DLX6: variants seen among roughly 807,000 people sequenced by gnomAD.
DLX6 encodes homeobox protein DLX-6.
A neutral mutation model predicts 33.5 loss-of-function variants in DLX6; 4 were observed. The ratio of observed to expected loss-of-function variants is 0.12; its 90% confidence interval spans 0.06 to 0.27. DLX6 has a LOEUF of 0.27. Among genes scored for constraint, DLX6 ranks in the 10% least tolerant of loss-of-function variants. The probability of loss-of-function intolerance (pLI) is 1.00; values close to 1 mark genes in which losing one functional copy is unlikely to be tolerated. For synonymous variants in DLX6, 184 were observed against 164.8 expected (o/e 1.12, Z -0.89); for missense variants, 382 against 393.3 (o/e 0.97, Z 0.24).
At chr7:97,006,707 C>T (rs752556165) in intron 1 of DLX6, 32 of 161,686 alleles carry the variant, frequency 2.0e-4, no homozygotes, top group Non-Finnish European at 4.0e-4. Context: ...CGCTCTCCAG[C>T]CTCCTGGGTC....
rs1789707231 is a variant in DLX6, at chr7:97,006,042, T to C, written c.65T>C (p.Met22Thr). The change falls in exon 1 of 3, where the codon ATG (methionine) becomes ACG (threonine). Residue 22 changes from methionine (M) to threonine (T), a missense_variant. By Grantham distance (81) the Met-to-Thr change is moderately conservative (BLOSUM62 -1). Coordinates refer to ENST00000518156, the MANE Select transcript of DLX6 (RefSeq NM_005222.4). ...EGQDSSKSAF[M>T]EFGQQQQQQQ... ...CAGGACTCGTCCAAATCCGCCTTCA[T>C]GGAGTTCGGGCAGCAGCAGCAGCAG... 1.3e-6 allele frequency: 2 copies of C among 1,592,552 alleles called. No individual in the cohort carries two copies. The highest frequency in any genetic ancestry group is 1.7e-6 in the Non-Finnish European group (2 of 1,170,196).
rs1276611672 is a variant in DLX6, at chr7:97,007,414, C to G, written c.437-224C>G. On this transcript the variant is annotated intron_variant, in intron 1 of 2. Coordinates refer to ENST00000518156, the MANE Select transcript of DLX6 (RefSeq NM_005222.4). ...CTGAGGGCCTCTGGCGCTCCCTTGGCCCAGACGCTGCACATTGTTCGGGCC... is the reference window on the plus strand; with the variant it reads ...CTGAGGGCCTCTGGCGCTCCCTTGGGCCAGACGCTGCACATTGTTCGGGCC... 43 of 612,074 alleles carry G rather than the reference C, an allele frequency of 7.0e-5. No individual in the cohort carries two copies. The East Asian group carries it at 1.1e-3, about 16-fold the overall frequency. 37.9% of individuals were successfully genotyped at this position (612,074 alleles called of 1,614,324 possible).
intron 1 of DLX6, 46 bp downstream of exon 1, chr7:97,006,459 C>T (rs1789734165): frequency 7.9e-7 from 1 of 1,260,496 alleles, no homozygotes; most frequent in East Asian, 3.2e-5. Flanking sequence ...TCCCGACTGC[C>T]CCCTACCCCG....
Position 97,006,253 on chromosome 7 carries a change from G to T in DLX6, c.276G>T (p.Gln92His). 6.6e-7 allele frequency: 1 copy of T among 1,524,722 alleles called. No homozygotes were observed. The highest frequency in any genetic ancestry group is 8.8e-7 in the Non-Finnish European group (1 of 1,133,704). 94.4% of individuals were successfully genotyped at this position (1,524,722 alleles called of 1,614,324 possible). A position where few individuals can be genotyped will look rare whatever the true frequency, so the allele number is the denominator to read the frequency against. ...AAGSHHHHHH[Q>H]HHHHGSPYAS... ...GCTCGCACCACCACCACCACCACCA[G>T]CACCACCACCACGGCTCGCCCTACG... The change falls in exon 1 of 3, where the codon CAG becomes CAT. Residue 92 changes from glutamine (Q) to histidine (H), a missense_variant. By Grantham distance (24) the Gln-to-His change is conservative. Coordinates refer to ENST00000518156, the MANE Select transcript of DLX6 (RefSeq NM_005222.4).
At chr7:97,008,291 AAGT>A in intron 2 of DLX6, among the ~76,000 whole-genome samples, 1 of 152,320 alleles carries the variant, frequency 6.6e-6, no homozygotes, top group Middle Eastern at 3.4e-3. Context: ...AGAAAAAACA[AAGT>A]AGGCATAGGT....
rs1412925639 is a variant in DLX6, at chr7:97,010,782, A to C, written c.*735A>C. On this transcript the variant is annotated 3_prime_UTR_variant, in exon 3 of 3. Transcript: ENST00000518156. ...ACCAGGAATGATGGTTGATTAAAAA[A>C]AAACAAAACAAAAACCACTCTTTCC... 1 of 152,134 alleles carries C rather than the reference A, an allele frequency of 6.6e-6. No homozygotes were observed. Among genetic ancestry groups the C allele is most frequent in the Non-Finnish European group, 1.5e-5 (1 of 67,950 alleles). The allele number at this position is 152,134 out of a possible 1,614,324, so 9.4% of individuals were successfully genotyped here. A position where few individuals can be genotyped will look rare whatever the true frequency, so the allele number is the denominator to read the frequency against.
chr7:97,007,914 G>A, intron 2 of DLX6, 83 bp downstream of exon 2: 1 of 1,378,302 alleles, frequency 7.3e-7, no homozygotes. Flanking sequence ...AGGAATTGTT[G>A]GCCTAGTCAA....
chr7:97,009,685 T>G (rs189277896), intron 2 of DLX6, 111 bp from the exon 3 acceptor site: 2 of 1,488,642 alleles, frequency 1.3e-6, no homozygotes, highest in African/African-American at 2.8e-5. Context: ...GCGGTGGTTG[T>G]TTTTTGTTTT....
rs559903070 is a variant in DLX6, at chr7:97,006,108, A to AGCCGCCGCCGCCGCC, written c.146_160dup (p.Pro49_Pro53dup). 32 of 1,502,100 alleles carry AGCCGCCGCCGCCGCC rather than the reference A, an allele frequency of 2.1e-5. No individual in the cohort carries two copies. The highest frequency in any genetic ancestry group is 8.3e-5 in the African/African-American group (6 of 72,376). 93.0% of individuals were successfully genotyped at this position (1,502,100 alleles called of 1,614,324 possible). A position where few individuals can be genotyped will look rare whatever the true frequency, so the allele number is the denominator to read the frequency against. ...CAGCAGCAGCAGCAGCAACAGCAAC[A>AGCCGCCGCCGCCGCC]GCCGCCGCCGCCGCCGCCGCCGCCG... On this transcript the variant is annotated inframe_insertion, in exon 1 of 3. Coordinates refer to ENST00000518156, the MANE Select transcript of DLX6 (RefSeq NM_005222.4).
At position 97,006,051 on chromosome 7, in the gene DLX6, G is replaced by A. The variant is rs1209156138; in HGVS notation, c.74G>A (p.Gly25Glu). The change falls in exon 1 of 3, where the codon GGG (glycine) becomes GAG (glutamate). Residue 25 changes from glycine to glutamate, a missense_variant. This residue lies in a region of DLX6 where 257 missense variants were observed against 206.9 expected (regional missense o/e 1.24). Transcript: ENST00000518156. ...TCCAAATCCGCCTTCATGGAGTTCGGGCAGCAGCAGCAGCAGCAGCAGCAA... is the reference window on the plus strand; with the variant it reads ...TCCAAATCCGCCTTCATGGAGTTCGAGCAGCAGCAGCAGCAGCAGCAGCAA... ...DSSKSAFMEF[G>E]QQQQQQQQQQ... The A allele has an allele frequency of 1.9e-6, 3 of 1,582,110 alleles. No individual in the cohort carries two copies. Among genetic ancestry groups the A allele is most frequent in the Non-Finnish European group, 2.6e-6 (3 of 1,164,766 alleles).
rs1789820697 is a variant in DLX6 at position 97,010,328 on chromosome 7, C to G, written c.*281C>G. Reference sequence around the variant, plus strand: ...CTCATTTACCTTCTCTCTTGAGCAACGTCAGTAATTGATCTTGCATCTCAG... The same window carrying G: ...CTCATTTACCTTCTCTCTTGAGCAAGGTCAGTAATTGATCTTGCATCTCAG... On this transcript the variant is annotated 3_prime_UTR_variant, in exon 3 of 3. Transcript: ENST00000518156. 1 of 362,078 alleles carries G rather than the reference C, an allele frequency of 2.8e-6. No homozygotes were observed. Among genetic ancestry groups the G allele is most frequent in the Non-Finnish European group, 5.0e-6 (1 of 199,964 alleles). 22.4% of individuals were successfully genotyped at this position (362,078 alleles called of 1,614,324 possible).
At chr7:97,007,276 T>C in intron 1 of DLX6, 2 of 561,890 alleles carry the variant, frequency 3.6e-6, no homozygotes, top group Non-Finnish European at 6.3e-6. Flanking sequence ...CTTCAGGTAC[T>C]GTTAAGCCGG....
In DLX6 at chr7:97,007,640, C is replaced by G; in HGVS notation, c.439C>G (p.Gln147Glu). 1 of 1,608,142 alleles carries G rather than the reference C, an allele frequency of 6.2e-7. No homozygotes were observed. Among genetic ancestry groups the G allele is most frequent in the Non-Finnish European group, 8.5e-7 (1 of 1,177,168 alleles). Residue 147 changes from glutamine to glutamate, a missense_variant and splice_region_variant, in exon 2 of 3, where the codon CAA becomes GAA. Physicochemically the swap from Gln to Glu is conservative, Grantham distance 29. Around this residue, in one of 4 missense-constraint regions of DLX6, gnomAD observed 257 missense variants for 206.9 expected, o/e 1.24. Transcript: ENST00000518156. Reference sequence around the variant, plus strand: ...TCCTCTGTATTATTTGCTTACAGATCAACAAAAAACTACAGTGATTGAAAA... The same window carrying G: ...TCCTCTGTATTATTTGCTTACAGATGAACAAAAAACTACAGTGATTGAAAA... ...AAQTRGDDTD[Q>E]QKTTVIENGE...
intron 1 of DLX6, chr7:97,007,395 G>A: frequency 1.7e-6 from 1 of 601,514 alleles, no homozygotes; most frequent in Non-Finnish European, 3.0e-6. Flanking sequence ...TTGTCTGAGG[G>A]CCTCTGGCGC....
In DLX6 at chr7:97,009,852, C is replaced by T; in HGVS notation, c.687C>T (p.Gly229=). The change falls in exon 3 of 3, where the codon GGC becomes GGT. Residue 229 remains glycine (G), a synonymous_variant. Transcript: ENST00000518156. ...RSKFKKLLKQ[G]SNPHESDPLQ... is the part of the protein sequence containing the mutation. The stretch of plus-strand genomic sequence containing the variant: ...AGTTTAAGAAACTGCTGAAGCAGGG[C>T]AGTAATCCTCATGAGAGCGACCCCC... 1 of 1,614,016 alleles carries T rather than the reference C, an allele frequency of 6.2e-7. No homozygotes were observed. Among genetic ancestry groups the T allele is most frequent in the Non-Finnish European group, 8.5e-7 (1 of 1,179,894 alleles).
Position 97,005,843 on chromosome 7 carries a change from CTTTTT to C in DLX6, c.-115_-111del, listed in dbSNP as rs753838572. ...CCACCTCCACCCCCCTCTTTAAATT[CTTTTT>C]TTTTTTTTTTTTTTTTTTTGCAAGG... On this transcript the variant is annotated 5_prime_UTR_variant, in exon 1 of 3. Transcript: ENST00000518156. 6.0e-3 allele frequency: 1,348 copies of C among 225,808 alleles called. No individual in the cohort carries two copies. The highest frequency in any genetic ancestry group is 7.4e-3 in the East Asian group (92 of 12,380). 14.0% of individuals were successfully genotyped at this position (225,808 alleles called of 1,614,324 possible). A position where few individuals can be genotyped will look rare whatever the true frequency, so the allele number is the denominator to read the frequency against.
Position 97,005,847 on chromosome 7 carries a change from T to C in DLX6, c.-131T>C, listed in dbSNP as rs1231693506. ...CTCCACCCCCCTCTTTAAATTCTTTTTTTTTTTTTTTTTTTTTTTTGCAAG... is the reference window on the plus strand; with the variant it reads ...CTCCACCCCCCTCTTTAAATTCTTTCTTTTTTTTTTTTTTTTTTTTGCAAG... On this transcript the variant is annotated 5_prime_UTR_variant, in exon 1 of 3. Transcript: ENST00000518156. 8.9e-6 allele frequency: 2 copies of C among 224,338 alleles called. No homozygotes were observed. The highest frequency in any genetic ancestry group is 1.5e-4 in the South Asian group (1 of 6,782). The allele number at this position is 224,338 out of a possible 1,614,324, so 13.9% of individuals were successfully genotyped here. A position where few individuals can be genotyped will look rare whatever the true frequency, so the allele number is the denominator to read the frequency against.
In DLX6 at chr7:97,006,101, C is replaced by T; in HGVS notation, c.124C>T (p.Gln42Ter). The change falls in exon 1 of 3, where the codon CAG becomes TAG. Residue 42 changes from glutamine to a stop codon, truncating the protein, a stop_gained. Coordinates refer to ENST00000518156, the MANE Select transcript of DLX6 (RefSeq NM_005222.4). LOFTEE classifies it high-confidence loss of function. ...QQQQQQQQQQ[Q>*]QQPPPPPPPP... ...ACAGCAGCAGCAGCAGCAGCAGCAACAGCAACAGCCGCCGCCGCCGCCGCC... is the reference window on the plus strand; with the variant it reads ...ACAGCAGCAGCAGCAGCAGCAGCAATAGCAACAGCCGCCGCCGCCGCCGCC... 1 of 1,551,586 alleles carries T rather than the reference C, an allele frequency of 6.4e-7. No individual in the cohort carries two copies. Among genetic ancestry groups the T allele is most frequent in the Non-Finnish European group, 8.7e-7 (1 of 1,148,752 alleles).
intron 2 of DLX6, among the ~76,000 whole-genome samples, chr7:97,008,482 C>T (rs533497385): frequency 6.6e-6 from 1 of 152,228 alleles, no homozygotes; most frequent in South Asian, 2.1e-4. Flanking sequence ...AGTTGGAGAT[C>T]AAAGAGAAAT....
Sources: allele counts gnomAD v4.1 joint callset (sites outside exome capture counted in the v4.1 genomes callset), GRCh38; gene constraint gnomAD v4.1.1; regional missense constraint gnomAD v4.1.1; transcripts MANE v1.5; gene names NCBI Gene and HGNC (gene_info 2026-07-23, HGNC 2026-07-21).